Variants in ZNF569 observed in about 807,000 individuals in gnomAD.
ZNF569 encodes the protein DNA-binding protein.
ZNF569 carries 38 observed loss-of-function variants against 56.3 expected under a neutral mutation model. That is an observed-to-expected ratio of 0.68 (90% CI 0.52 to 0.88). The LOEUF (loss-of-function observed/expected upper bound fraction) is 0.88. ZNF569 is among the 40% of genes least tolerant of loss of function. The probability of loss-of-function intolerance (pLI) is 0.00; values close to 1 mark genes in which losing one functional copy is unlikely to be tolerated. For missense variants in ZNF569, 666 were observed against 809.2 expected, an observed-to-expected ratio of 0.82 and a Z score of 2.15; for synonymous variants, 241 against 262.9, an observed-to-expected ratio of 0.92 and a Z score of 0.81.
intron 2 of ZNF569, among the ~76,000 whole-genome samples, chr19:37,459,041 C>A (rs183319146): frequency 2.2e-4 from 34 of 152,134 alleles, no homozygotes; most frequent in Admixed American, 1.9e-3. Flanking sequence ...GGGAGAACAT[C>A]CAAACCATGG....
At chr19:37,453,443 C>G (rs1330754635) in intron 2 of ZNF569, among the ~76,000 whole-genome samples, 1 of 152,166 alleles carries the variant, frequency 6.6e-6, no homozygotes, top group Non-Finnish European at 1.5e-5. Flanking sequence ...TGTCACCCCC[C>G]ACTCCTTCAT....
In ZNF569 at chr19:37,456,450, A is replaced by G. The variant is rs2041671870; in HGVS notation, c.-44+8863T>C. On this transcript the variant is annotated intron_variant, in intron 2 of 5. Transcript: ENST00000316950. Reference sequence around the variant, plus strand: ...AGTGTCTTATATTTTATCTCTTAACATTTCTACTTCTCTCTTAGGGCCCGT... The same window carrying G: ...AGTGTCTTATATTTTATCTCTTAACGTTTCTACTTCTCTCTTAGGGCCCGT... Among the ~76,000 whole-genome samples the G allele has an allele frequency of 2.6e-5, 4 of 151,816 alleles. No homozygotes were observed. In the South Asian group the frequency reaches 8.3e-4, roughly 31 times the overall value.
At chr19:37,457,511 A>G (rs1252550248) in intron 2 of ZNF569, among the ~76,000 whole-genome samples, 1 of 152,170 alleles carries the variant, frequency 6.6e-6, no homozygotes, top group Non-Finnish European at 1.5e-5. Context: ...TGCAACCATA[A>G]AAAGGATAAG....
In ZNF569 at chr19:37,436,590, G is replaced by T. The variant is rs115874580; in HGVS notation, c.15+8317C>A. ...ATCAGCAAACTTTTAGCTAGACTAA[G>T]AAAAAAAGAGAAGACCCAAATAAGT... On this transcript the variant is annotated intron_variant, in intron 3 of 5. Coordinates refer to ENST00000316950, the MANE Select transcript of ZNF569 (RefSeq NM_152484.3). Among the ~76,000 whole-genome samples the T allele has an allele frequency of 3.9e-3, 588 of 151,494 alleles. 3 individuals are homozygous for T. Among genetic ancestry groups the T allele is most frequent in the African/African-American group, 0.014 (574 of 41,404 alleles).
chr19:37,430,388 G>A (rs2041206538), intron 3 of ZNF569, among the ~76,000 whole-genome samples: 1 of 151,974 alleles, frequency 6.6e-6, no homozygotes, highest in Non-Finnish European at 1.5e-5. Flanking sequence ...ATTCCAAGTA[G>A]GATAAACGCA....
chr19:37,439,242 C>T (rs1414762957), intron 3 of ZNF569, among the ~76,000 whole-genome samples: 5 of 152,050 alleles, frequency 3.3e-5, no homozygotes, highest in African/African-American at 9.7e-5. Flanking sequence ...GGCTCATTTT[C>T]GTATTCTTAG....
intron 3 of ZNF569, among the ~76,000 whole-genome samples, chr19:37,435,891 T>C (rs1413966584): frequency 6.6e-6 from 1 of 152,136 alleles, no homozygotes; most frequent in Admixed American, 6.5e-5. Flanking sequence ...CCCAATAGAA[T>C]AATTGCTGGA....
chr19:37,456,640 A>G (rs1273646885), intron 2 of ZNF569, among the ~76,000 whole-genome samples: 2 of 152,146 alleles, frequency 1.3e-5, no homozygotes, highest in Admixed American at 1.3e-4. Flanking sequence ...TTGTATGTAT[A>G]CATTCTAGAA....
In ZNF569 at chr19:37,414,140, G is replaced by A; in HGVS notation, c.518C>T (p.Ser173Leu). ...EHCEYNEPVK[S>L]YGNSSSHFVI... ...AAAATGGGATGAGCTATTACCATAT[G>A]ATTTCACAGGTTCATTATATTCACA... is the stretch of plus-strand genomic sequence containing the variant. Residue 173 changes from serine to leucine, a missense_variant, in exon 6 of 6, where the codon TCA becomes TTA. Transcript: ENST00000316950. The A allele has an allele frequency of 6.2e-7, 1 of 1,613,694 alleles. No homozygotes were observed. Among genetic ancestry groups the A allele is most frequent in the Non-Finnish European group, 8.5e-7 (1 of 1,179,870 alleles).
chr19:37,456,741 G>C (rs1478829440), intron 2 of ZNF569, among the ~76,000 whole-genome samples: 1 of 152,034 alleles, frequency 6.6e-6, no homozygotes. Flanking sequence ...GGCTGAGGTG[G>C]GCGGATCACA....
rs756381260 is a variant in ZNF569 at position 37,413,043 on chromosome 19, G to A, written c.1615C>T (p.Leu539Phe). 2 of 1,613,772 alleles carry A rather than the reference G, an allele frequency of 1.2e-6. No homozygotes were observed. Among genetic ancestry groups the A allele is most frequent in the Non-Finnish European group, 1.7e-6 (2 of 1,179,888 alleles). ...KAFSQIASLTLHLRSHTGEKP... is the reference protein window; with the variant it reads ...KAFSQIASLTFHLRSHTGEKP... Reference sequence around the variant, plus strand: ...TCCCCTGTATGACTTCTCAAATGAAGGGTAAGGGATGCAATTTGAGAGAAG... The same window carrying A: ...TCCCCTGTATGACTTCTCAAATGAAAGGTAAGGGATGCAATTTGAGAGAAG... Residue 539 changes from leucine (L) to phenylalanine (F), a missense_variant, in exon 6 of 6, where the codon CTT becomes TTT. Transcript: ENST00000316950.
At chr19:37,420,857 G>A (rs1026403130) in intron 5 of ZNF569, among the ~76,000 whole-genome samples, 3 of 152,150 alleles carry the variant, frequency 2.0e-5, no homozygotes, top group African/African-American at 7.2e-5. Flanking sequence ...ACCTATGGAA[G>A]CTATTACATT....
Position 37,467,363 on chromosome 19 carries a change from C to T in ZNF569, c.-484G>A, listed in dbSNP as rs759497921. ...GAGCTCAGCCTAGGTTTTGCACGAGCGGCCTCCCGCGAGCCCAGCTCTGAG... is the reference window on the plus strand; with the variant it reads ...GAGCTCAGCCTAGGTTTTGCACGAGTGGCCTCCCGCGAGCCCAGCTCTGAG... On this transcript the variant is annotated 5_prime_UTR_variant, in exon 1 of 6. Coordinates refer to ENST00000316950, the MANE Select transcript of ZNF569 (RefSeq NM_152484.3). The T allele has an allele frequency of 4.9e-4, 76 of 155,798 alleles. No individual in the cohort carries two copies. The highest frequency in any genetic ancestry group is 8.1e-4 in the Non-Finnish European group (57 of 70,290). The allele number at this position is 155,798 out of a possible 1,614,324, so 9.7% of individuals were successfully genotyped here. A position where few individuals can be genotyped will look rare whatever the true frequency, so the allele number is the denominator to read the frequency against.
At chr19:37,431,163 G>C (rs2041219468) in intron 3 of ZNF569, among the ~76,000 whole-genome samples, 1 of 152,118 alleles carries the variant, frequency 6.6e-6, no homozygotes. Flanking sequence ...GCTGTGCTGG[G>C]CTTGGAGCCA....
At chr19:37,443,241 G>C (rs997686139) in intron 3 of ZNF569, among the ~76,000 whole-genome samples, 1 of 152,182 alleles carries the variant, frequency 6.6e-6, no homozygotes, top group African/African-American at 2.4e-5. Context: ...ACCTACTCGG[G>C]AGGCTGAGGC....
At chr19:37,435,672 G>C (rs566452898) in intron 3 of ZNF569, among the ~76,000 whole-genome samples, 44 of 152,234 alleles carry the variant, frequency 2.9e-4, no homozygotes, top group African/African-American at 1.1e-3. Context: ...ATATATTCAT[G>C]CAAATGGAAA....
chr19:37,434,889 A>G (rs2041284549), intron 3 of ZNF569, among the ~76,000 whole-genome samples: 1 of 152,226 alleles, frequency 6.6e-6, no homozygotes, highest in South Asian at 2.1e-4. Flanking sequence ...ACAAGAACTA[A>G]TGATAATCCC....
chr19:37,451,819 C>T (rs950101717), intron 2 of ZNF569, among the ~76,000 whole-genome samples: 6 of 152,136 alleles, frequency 3.9e-5, no homozygotes, highest in African/African-American at 1.4e-4. Context: ...CCTATGTGTG[C>T]CGTTAAGATC....
chr19:37,461,893 T>A (rs2041762885), intron 2 of ZNF569, among the ~76,000 whole-genome samples: 1 of 152,180 alleles, frequency 6.6e-6, no homozygotes, highest in Non-Finnish European at 1.5e-5. Context: ...GCTGCAACTA[T>A]GCGGATGAAC....
Sources: gnomAD v4.1 joint callset for allele counts (sites outside exome capture counted in the v4.1 genomes callset) on GRCh38, gnomAD v4.1.1 for gene constraint, MANE v1.5 for transcripts, NCBI Gene and HGNC (gene_info 2026-07-23, HGNC 2026-07-21) for gene names.